Variants in DNAH8 observed in about 807,000 individuals in gnomAD.
DNAH8 encodes axonemal beta dynein heavy chain 8.
A neutral mutation model predicts 562.1 loss-of-function variants in DNAH8; 382 were observed. The observed-to-expected ratio is 0.68, with a 90% CI of 0.63 to 0.74. The LOEUF (loss-of-function observed/expected upper bound fraction) is 0.74. Ranked by LOEUF, DNAH8 falls within the 30% of genes least tolerant of loss-of-function variation. The probability of loss-of-function intolerance (pLI) is 0.00; values close to 1 mark genes in which losing one functional copy is unlikely to be tolerated. For synonymous variants in DNAH8, 1,881 were observed against 1,919.4 expected (o/e 0.98, Z 0.52); for missense variants, 5,203 against 5,620.4 (o/e 0.93, Z 2.37).
At chr6:38,881,266 G>C (rs1778455023) in intron 53 of DNAH8, among the ~76,000 whole-genome samples, 1 of 152,136 alleles carries the variant, frequency 6.6e-6, no homozygotes, top group Non-Finnish European at 1.5e-5. Context: ...TTACTCCAAT[G>C]ATGAGTATTT....
At chr6:38,749,981 C>T (rs1019036727) in intron 8 of DNAH8, among the ~76,000 whole-genome samples, 12 of 152,228 alleles carry the variant, frequency 7.9e-5, no homozygotes, top group Admixed American at 3.3e-4. Context: ...TACAGGCGCC[C>T]GCCGCCACGC....
intron 8 of DNAH8, among the ~76,000 whole-genome samples, chr6:38,745,399 T>A (rs976554606): frequency 2.0e-5 from 3 of 152,212 alleles, no homozygotes; most frequent in African/African-American, 7.2e-5. Flanking sequence ...ACAATTACAA[T>A]GCAAACTTTT....
At chr6:38,732,185 T>C (rs1185728868) in intron 4 of DNAH8, among the ~76,000 whole-genome samples, 3 of 152,246 alleles carry the variant, frequency 2.0e-5, no homozygotes, top group Non-Finnish European at 4.4e-5. Context: ...AAATTCGTTA[T>C]AGTATAACAT....
rs1763681058 is a variant in DNAH8 at position 38,731,894 on chromosome 6, T to C, written c.610+1908T>C. ...TGCGCCCAGCTAATGTTTTGTATTT[T>C]TAGTAGAGACAGGGTTTCACCATGT... On this transcript the variant is annotated intron_variant, in intron 4 of 92. Transcript: ENST00000327475. 5.3e-5 allele frequency among the ~76,000 whole-genome samples: 8 copies of C among 152,172 alleles called. No homozygotes were observed. The South Asian group carries it at 1.7e-3, about 32-fold the overall frequency.
chr6:38,740,950 C>A (rs896125023), intron 7 of DNAH8, among the ~76,000 whole-genome samples: 2 of 152,200 alleles, frequency 1.3e-5, no homozygotes, highest in African/African-American at 4.8e-5. Context: ...CAAACTATAT[C>A]ATCTGTGATT....
intron 43 of DNAH8, among the ~76,000 whole-genome samples, chr6:38,861,949 G>GTGTTTTT (rs1776660987): frequency 7.4e-6 from 1 of 134,690 alleles, no homozygotes; most frequent in Non-Finnish European, 1.6e-5. Flanking sequence ...TGAAAACCAG[G>GTGTTTTT]TTTTTTTTTT....
intron 21 of DNAH8, among the ~76,000 whole-genome samples, chr6:38,796,510 A>T (rs1278725526): frequency 1.3e-5 from 2 of 152,222 alleles, no homozygotes; most frequent in Non-Finnish European, 2.9e-5. Flanking sequence ...ACTAAAAGGC[A>T]GAAATGAAAT....
chr6:38,941,054 A>C (rs970497053), intron 79 of DNAH8, among the ~76,000 whole-genome samples: 2 of 151,904 alleles, frequency 1.3e-5, no homozygotes, highest in Non-Finnish European at 2.9e-5. Flanking sequence ...AGGGAGTCGG[A>C]GGTTGCAGTG....
At chr6:38,942,090 G>A (rs34922715) in intron 79 of DNAH8, among the ~76,000 whole-genome samples, 8,001 of 152,218 alleles carry the variant, frequency 0.053, 282 homozygotes, top group South Asian at 0.09. Flanking sequence ...CTCACCAGAC[G>A]TTGAATTCAT....
intron 19 of DNAH8, 69 bp downstream of exon 19, chr6:38,789,952 T>C: frequency 1.7e-6 from 2 of 1,210,324 alleles, no homozygotes; most frequent in South Asian, 1.3e-5. Flanking sequence ...CTATAAACTA[T>C]GGATTTTGGA....
At chr6:38,815,037 T>C (rs1312517096) in intron 25 of DNAH8, among the ~76,000 whole-genome samples, 4 of 152,130 alleles carry the variant, frequency 2.6e-5, no homozygotes, top group African/African-American at 9.7e-5. Context: ...CTTCTTAGCT[T>C]ATTTGGCACA....
chr6:38,774,241 A>G lies in DNAH8; in HGVS notation c.1765-1513A>G, dbSNP rs548007619. The stretch of plus-strand genomic sequence containing the variant: ...GTGGGAGAGAAGAGAAAAGGTGGAG[A>G]GCTGGTATTGCTGGGGGAGATTTGA... On this transcript the variant is annotated intron_variant, in intron 12 of 92. Transcript: ENST00000327475. 1.9e-3 allele frequency among the ~76,000 whole-genome samples: 286 copies of G among 152,050 alleles called. 2 individuals carry two copies. The highest frequency in any genetic ancestry group is 3.1e-3 in the Non-Finnish European group (212 of 67,972).
At chr6:38,936,241 T>C (rs1782956608) in intron 77 of DNAH8, 3 of 152,248 alleles carry the variant, frequency 2.0e-5, no homozygotes, top group Admixed American at 2.0e-4. Context: ...CAACGGGTTA[T>C]GACACATGTA....
chr6:38,852,030 G>A (rs1027691170), intron 39 of DNAH8, among the ~76,000 whole-genome samples: 6 of 152,188 alleles, frequency 3.9e-5, no homozygotes, highest in Non-Finnish European at 8.8e-5. Context: ...CTAGCACACA[G>A]TATGTGTTTA....
Position 38,990,056 on chromosome 6 carries a change from T to C in DNAH8, c.13098T>C (p.Tyr4366=). The change falls in exon 88 of 93, where the codon TAT becomes TAC. Residue 4366 remains tyrosine, a synonymous_variant. Coordinates refer to ENST00000327475, the MANE Select transcript of DNAH8 (RefSeq NM_001206927.2). ...TGTTTGAACCGTCATTCTGCTTTTATACTGGATATAAAATCCCCTTATGCA... is the reference window on the plus strand; with the variant it reads ...TGTTTGAACCGTCATTCTGCTTTTACACTGGATATAAAATCCCCTTATGCA... ...EKMFEPSFCF[Y]TGYKIPLCKT... is the part of the protein sequence containing the mutation. The C allele has an allele frequency of 1.2e-6, 2 of 1,600,696 alleles. No homozygotes were observed.
intron 62 of DNAH8, among the ~76,000 whole-genome samples, chr6:38,903,206 AT>A (rs1394851564): frequency 6.6e-6 from 1 of 152,108 alleles, no homozygotes; most frequent in Non-Finnish European, 1.5e-5. Flanking sequence ...TGTGTAATTT[AT>A]TTAAAAACAG....
intron 89 of DNAH8, 62 bp from the exon 90 acceptor site, chr6:39,012,152 GT>G (rs1766252232): frequency 8.3e-7 from 1 of 1,198,872 alleles, no homozygotes; most frequent in African/African-American, 1.5e-5. Flanking sequence ...GAAAGAAGAG[GT>G]TATTGGAAGA....
At position 38,862,374 on chromosome 6, in the gene DNAH8, A is replaced by T. The variant is rs967690797; in HGVS notation, c.6226A>T (p.Met2076Leu). 1.9e-6 allele frequency: 3 copies of T among 1,614,082 alleles called. No individual in the cohort carries two copies. The African/African-American group carries it at 4.0e-5, about 22-fold the overall frequency. ...TGGCAAAACAGAAACCACAAAAGACATGGGAAGGTGTTTGGGAAAATATGT... is the reference window on the plus strand; with the variant it reads ...TGGCAAAACAGAAACCACAAAAGACTTGGGAAGGTGTTTGGGAAAATATGT... ...GTGKTETTKD[M>L]GRCLGKYVVV... Residue 2076 changes from methionine (M) to leucine (L), a missense_variant, in exon 44 of 93, where the codon ATG becomes TTG. This residue lies in a region of DNAH8 where 2,176 missense variants were observed against 2,365.1 expected (regional missense o/e 0.92). Transcript: ENST00000327475.
chr6:38,960,831 A>G (rs1762561228), intron 82 of DNAH8, among the ~76,000 whole-genome samples: 1 of 152,002 alleles, frequency 6.6e-6, no homozygotes, highest in Non-Finnish European at 1.5e-5. Context: ...TAAATATAAA[A>G]TTTAAAAAAA....
Sources: gnomAD v4.1 joint callset for allele counts (sites outside exome capture counted in the v4.1 genomes callset) on GRCh38, gnomAD v4.1.1 for gene constraint, gnomAD v4.1.1 regional missense constraint, MANE v1.5 for transcripts, NCBI Gene and HGNC (gene_info 2026-07-23, HGNC 2026-07-21) for gene names.